Variants in PTPRS observed in about 807,000 individuals in gnomAD.
PTPRS encodes the protein protein tyrosine phosphatase receptor type S, also known as receptor-type tyrosine-protein phosphatase S.
In PTPRS, 63 loss-of-function variants were observed where a neutral mutation model predicts 215.3. The observed-to-expected ratio is 0.29, with a 90% confidence interval of 0.24 to 0.36. PTPRS has a LOEUF of 0.36. Among genes scored for constraint, PTPRS ranks in the 10% least tolerant of loss-of-function variants. PTPRS has a pLI of 1.00. For synonymous variants in PTPRS, 1,404 were observed against 1,191.4 expected, an observed-to-expected ratio of 1.18 and a Z score of -3.68; for missense variants, 2,258 against 2,825.8, an observed-to-expected ratio of 0.80 and a Z score of 4.56.
In PTPRS at chr19:5,208,035, C is replaced by T. The variant is rs142977438; in HGVS notation, c.5665G>A (p.Val1889Ile). ...HCSAGVGRTG[V>I]FITLSIVLER... Reference sequence around the variant, plus strand: ...AGCACGATGCTAAGCGTGATGAAGACGCCCGTCCTGCCCACGCCGGCACTG... The same window carrying T: ...AGCACGATGCTAAGCGTGATGAAGATGCCCGTCCTGCCCACGCCGGCACTG... The change falls in exon 37 of 38, where the codon GTC becomes ATC. Residue 1889 changes from valine (V) to isoleucine (I), a missense_variant. Physicochemically the swap from Val to Ile is conservative, Grantham distance 29 (BLOSUM62 3). Transcript: ENST00000262963. 369 of 1,613,486 alleles carry T rather than the reference C, an allele frequency of 2.3e-4. 1 individual carries two copies. Among genetic ancestry groups the T allele is most frequent in the Non-Finnish European group, 2.9e-4 (343 of 1,179,738 alleles).
intron 2 of PTPRS, chr19:5,277,836 C>G: frequency 1.3e-6 from 1 of 798,400 alleles, no homozygotes; most frequent in Non-Finnish European, 2.2e-6. Context: ...TAAGCGTTAA[C>G]TGGGGGAAAC....
At chr19:5,213,929 A>T (rs78419742) in intron 30 of PTPRS, among the ~76,000 whole-genome samples, 1 of 152,148 alleles carries the variant, frequency 6.6e-6, no homozygotes, top group African/African-American at 2.4e-5. Context: ...CATATCTAAA[A>T]GATCTTCTCC....
In PTPRS at chr19:5,294,890, C is replaced by G. The variant is rs1056571739; in HGVS notation, c.-94-8656G>C. On this transcript the variant is annotated intron_variant, in intron 1 of 37. Transcript: ENST00000262963. This position sits in a 1 kb window ranked among gnomAD's most constrained non-coding sequence, Gnocchi z 5.1. ...AAACACAGGATGCCGTGACGTCCCC[C>G]GTCCCACGCAGCCCCATCCTCGACG... 6.6e-6 allele frequency among the ~76,000 whole-genome samples: 1 copy of G among 152,166 alleles called. No individual in the cohort carries two copies. Among genetic ancestry groups the G allele is most frequent in the Non-Finnish European group, 1.5e-5 (1 of 68,028 alleles).
In PTPRS at chr19:5,274,323, T is replaced by C; in HGVS notation, c.113A>G (p.Glu38Gly). Residue 38 changes from glutamate (E) to glycine (G), a missense_variant, in exon 3 of 38, where the codon GAA (glutamate) becomes GGA (glycine). Physicochemically the swap from Glu to Gly is moderately conservative, Grantham distance 98 (BLOSUM62 -2). Coordinates refer to ENST00000262963, the MANE Select transcript of PTPRS (RefSeq NM_002850.4). ...AAEEPPRFIK[E>G]PKDQIGVSGG... ...CGACACGCCGATCTGGTCCTTGGGT[T>C]CTTTGATAAACCTGGGGGGCTCTGG... The C allele has an allele frequency of 1.3e-6, 2 of 1,567,204 alleles. No individual in the cohort carries two copies. Among genetic ancestry groups the C allele is most frequent in the South Asian group, 1.1e-5 (1 of 90,448 alleles).
rs370327439 is a variant in PTPRS at position 5,337,576 on chromosome 19, A to G, written c.-95+3088T>C. ...AACCCCGAAGGCAGAAGGGGAAACC[A>G]AGTCACCTCCCAGAAAGACGTTTGA... is the stretch of plus-strand genomic sequence containing the variant. On this transcript the variant is annotated intron_variant, in intron 1 of 37. Coordinates refer to ENST00000262963, the MANE Select transcript of PTPRS (RefSeq NM_002850.4). 9.5e-4 allele frequency among the ~76,000 whole-genome samples: 144 copies of G among 152,352 alleles called. 3 individuals carry two copies. The South Asian group carries it at 0.029, about 30-fold the overall frequency.
chr19:5,236,944 A>G (rs2043504963), intron 13 of PTPRS, among the ~76,000 whole-genome samples: 2 of 152,216 alleles, frequency 1.3e-5, no homozygotes, highest in African/African-American at 4.8e-5. Context: ...CCATAATAAA[A>G]TAAGAAACAA....
rs915133073 is a variant in PTPRS at position 5,222,895 on chromosome 19, G to A, written c.2897C>T (p.Thr966Met). The change falls in exon 18 of 38, where the codon ACG (threonine) becomes ATG (methionine). Residue 966 changes from threonine to methionine, a missense_variant. By Grantham distance (81) the Thr-to-Met change is moderately conservative (BLOSUM62 -1). This residue lies in a region of PTPRS where 361 missense variants were observed against 332.6 expected (regional missense o/e 1.09). Coordinates refer to ENST00000262963, the MANE Select transcript of PTPRS (RefSeq NM_002850.4). ...GGCACCGGCCTCCCGCACGGCCACC[G>A]TGTATTTGACGATGGCCCCGTTGCG... ...AERNGAIVKY[T>M]VAVREAGALG... The A allele has an allele frequency of 3.2e-6, 5 of 1,573,502 alleles. No individual in the cohort carries two copies. The highest frequency in any genetic ancestry group is 1.1e-5 in the South Asian group (1 of 88,138).
At chr19:5,249,773 G>C (rs2044830436) in intron 9 of PTPRS, among the ~76,000 whole-genome samples, 1 of 152,178 alleles carries the variant, frequency 6.6e-6, no homozygotes, top group Admixed American at 6.5e-5. Flanking sequence ...TCAGTAAAAG[G>C]CTTATACTCA....
chr19:5,317,752 G>C (rs1324984424), intron 1 of PTPRS, among the ~76,000 whole-genome samples: 1 of 152,132 alleles, frequency 6.6e-6, no homozygotes, highest in Non-Finnish European at 1.5e-5. Context: ...CTAGAAATTA[G>C]TAAGGGGCCA....
chr19:5,228,166 T>G lies in PTPRS; in HGVS notation c.2376+1150A>C, dbSNP rs566681696. Reference sequence around the variant, plus strand: ...GAGGCATCAGAGCATGTGGGACCAGTGCCTGTTTGTTTGTTTATTAGAGAC... The same window carrying G: ...GAGGCATCAGAGCATGTGGGACCAGGGCCTGTTTGTTTGTTTATTAGAGAC... On this transcript the variant is annotated intron_variant, in intron 16 of 37. Coordinates refer to ENST00000262963, the MANE Select transcript of PTPRS (RefSeq NM_002850.4). 2.6e-5 allele frequency among the ~76,000 whole-genome samples: 4 copies of G among 151,330 alleles called. No individual in the cohort carries two copies. The South Asian group carries it at 8.3e-4, about 32-fold the overall frequency.
At position 5,336,543 on chromosome 19, in the gene PTPRS, G is replaced by A. The variant is rs544756746; in HGVS notation, c.-95+4121C>T. 6.6e-5 allele frequency among the ~76,000 whole-genome samples: 10 copies of A among 152,196 alleles called. No individual in the cohort carries two copies. The East Asian group carries it at 1.7e-3, about 26-fold the overall frequency. On this transcript the variant is annotated intron_variant, in intron 1 of 37. Transcript: ENST00000262963. ...CTGCCCCGCAAGCCACAAGCTGGCA[G>A]CTTTCCGATTCCAGAGCAAGGTAAG...
intron 4 of PTPRS, chr19:5,273,016 C>A (rs1463450832): frequency 4.2e-6 from 1 of 238,852 alleles, no homozygotes; most frequent in African/African-American, 2.3e-5. Flanking sequence ...CTAAGGATAT[C>A]ATCAATACAG....
intron 23 of PTPRS, 100 bp downstream of exon 23, chr19:5,219,210 A>G (rs1599428015): frequency 1.3e-6 from 2 of 1,493,100 alleles, no homozygotes; most frequent in Non-Finnish European, 1.8e-6. Flanking sequence ...CATGTGTACA[A>G]CAGAGACCTT....
intron 17 of PTPRS, among the ~76,000 whole-genome samples, chr19:5,225,227 C>G (rs958377552): frequency 7.9e-5 from 12 of 151,998 alleles, no homozygotes; most frequent in African/African-American, 2.9e-4. Context: ...TAGGGGAAGA[C>G]AGGTGCACCA....
At position 5,223,260 on chromosome 19, in the gene PTPRS, G is replaced by T; in HGVS notation, c.2532C>A (p.Pro844=). 1 of 1,478,096 alleles carries T rather than the reference G, an allele frequency of 6.8e-7. No individual in the cohort carries two copies. The highest frequency in any genetic ancestry group is 2.5e-5 in the East Asian group (1 of 40,256). 91.6% of individuals were successfully genotyped at this position (1,478,096 alleles called of 1,614,324 possible). Residue 844 remains proline, a synonymous_variant, in exon 18 of 38, where the codon CCC becomes CCA. Transcript: ENST00000262963. ...CCCAGCGTGCCAGCAGGCTGCCCTC[G>T]GGGGTCTGCTGCACCGACAGGGTTG... ...GRPTLSVQQT[P]EGSLLARWEP...
At chr19:5,235,161 C>T (rs1455452416) in intron 13 of PTPRS, among the ~76,000 whole-genome samples, 1 of 151,996 alleles carries the variant, frequency 6.6e-6, no homozygotes, top group Non-Finnish European at 1.5e-5. Context: ...AGGATGGTCT[C>T]GATCTCCTGA....
chr19:5,231,509 C>T lies in PTPRS; in HGVS notation c.1956G>A (p.Val652=). The part of the protein sequence containing the change: ...PPPETHNGAL[V]GYSVRYRPLG... ...GCGGTCGGTAGCGGACGCTGTAGCCCACCAGGGCCCCGTTGTGCGTTTCCG... is the reference window on the plus strand; with the variant it reads ...GCGGTCGGTAGCGGACGCTGTAGCCTACCAGGGCCCCGTTGTGCGTTTCCG... The change falls in exon 14 of 38, where the codon GTG becomes GTA. Residue 652 remains valine (V), a synonymous_variant. Transcript: ENST00000262963. The T allele has an allele frequency of 6.2e-7, 1 of 1,612,350 alleles. No individual in the cohort carries two copies. The highest frequency in any genetic ancestry group is 8.5e-7 in the Non-Finnish European group (1 of 1,179,836).
At chr19:5,219,626 A>G (rs1476870430) in intron 22 of PTPRS, among the ~76,000 whole-genome samples, 159 bp from the exon 23 acceptor site, 13 of 152,054 alleles carry the variant, frequency 8.5e-5, no homozygotes, top group Admixed American at 8.5e-4. Context: ...GTCCCTGCCA[A>G]TCTTTGCTCT....
rs187480561 is a variant in PTPRS, at chr19:5,271,095, T to C, written c.379+2347A>G. ...CACAGCTGGGCTGCCGTGGAGGACA[T>C]TGGAATAGCCTCATCTTGGGAAGCC... On this transcript the variant is annotated intron_variant, in intron 4 of 37. Coordinates refer to ENST00000262963, the MANE Select transcript of PTPRS (RefSeq NM_002850.4). 3.5e-3 allele frequency among the ~76,000 whole-genome samples: 537 copies of C among 152,230 alleles called. 1 individual carries two copies. Among genetic ancestry groups the C allele is most frequent in the Middle Eastern group, 0.014 (4 of 294 alleles).
Sources: gnomAD v4.1 joint callset for allele counts (sites outside exome capture counted in the v4.1 genomes callset) on GRCh38, gnomAD v4.1.1 for gene constraint, gnomAD v4.1.1 regional missense constraint, Gnocchi (gnomAD v3.1) non-coding constraint, MANE v1.5 for transcripts, NCBI Gene and HGNC (gene_info 2026-07-23, HGNC 2026-07-21) for gene names.